The following RESF1 variants were observed in gnomAD, a reference collection of about 807,000 sequenced individuals.
The protein encoded by RESF1 is retroelement silencing factor 1.
A neutral mutation model predicts 134.7 loss-of-function variants in RESF1; 65 were observed. The ratio of observed to expected loss-of-function variants is 0.48; its 90% CI spans 0.40 to 0.59. The LOEUF (loss-of-function observed/expected upper bound fraction) is 0.59. RESF1 is among the 20% of genes least tolerant of loss of function. RESF1 has a pLI of 0.00. For missense variants in RESF1, 2,274 were observed against 2,002.7 expected, an observed-to-expected ratio of 1.14 and a Z score of -2.59; for synonymous variants, 762 against 702.2, an observed-to-expected ratio of 1.09 and a Z score of -1.35.
At chr12:31,980,477 G>A (rs555749761) in intron 3 of RESF1, among the ~76,000 whole-genome samples, 7 of 152,202 alleles carry the variant, frequency 4.6e-5, no homozygotes, top group South Asian at 2.1e-4. Flanking sequence ...TAGACTTTGC[G>A]AATGAACAAT....
Position 31,986,035 on chromosome 12 carries a change from G to C in RESF1, c.5002+78G>C, listed in dbSNP as rs1177143921. 8.2e-6 allele frequency: 7 copies of C among 851,142 alleles called. No individual in the cohort carries two copies. In the African/African-American group the frequency reaches 2.0e-4, roughly 24 times the overall value. 52.7% of individuals were successfully genotyped at this position (851,142 alleles called of 1,614,324 possible). A position where few individuals can be genotyped will look rare whatever the true frequency, so the allele number is the denominator to read the frequency against. ...CAATATTTGGGCTAGCACCTCTCAT[G>C]CTGTCTTGGGCTGCTGGGAAAGACT... On this transcript the variant is annotated intron_variant, in intron 4 of 5. Coordinates refer to ENST00000312561, the MANE Select transcript of RESF1 (RefSeq NM_018169.4).
Position 31,981,963 on chromosome 12 carries a change from T to A in RESF1, c.1008T>A (p.Asn336Lys). ...ATGAAAATGTCAGCACAATTGGAAA[T>A]TTCACTAACTTGAAAGTAAATACCA... Reference protein sequence around the residue: ...NPNENVSTIGNFTNLKVNTNS... With the variant: ...NPNENVSTIGKFTNLKVNTNS... The change falls in exon 4 of 6, where the codon AAT becomes AAA. Residue 336 changes from asparagine (N) to lysine (K), a missense_variant. Physicochemically the swap from Asn to Lys is moderately conservative, Grantham distance 94. Transcript: ENST00000312561. 6.2e-7 allele frequency: 1 copy of A among 1,614,196 alleles called. No homozygotes were observed. Among genetic ancestry groups the A allele is most frequent in the Non-Finnish European group, 8.5e-7 (1 of 1,180,018 alleles).
chr12:31,981,435 T>C lies in RESF1; in HGVS notation c.480T>C (p.Asp160=). ...TACAGAGTCAACTGATAACATCAGA[T>C]ACCTATTCTATGCAAATGCAGATGA... ...PALQSQLITS[D]TYSMQMQMIP... The change falls in exon 4 of 6, where the codon GAT becomes GAC. Residue 160 remains aspartate (D), a synonymous_variant. Transcript: ENST00000312561. 6.2e-7 allele frequency: 1 copy of C among 1,614,118 alleles called. No homozygotes were observed.
intron 3 of RESF1, among the ~76,000 whole-genome samples, chr12:31,978,583 G>A (rs1472558990): frequency 2.0e-5 from 3 of 151,346 alleles, no homozygotes; most frequent in Non-Finnish European, 4.4e-5. Flanking sequence ...CTCTCGCTCT[G>A]TCGCCAGGCT....
intron 3 of RESF1, among the ~76,000 whole-genome samples, chr12:31,975,521 CA>C (rs1939614304): frequency 6.6e-6 from 1 of 152,164 alleles, no homozygotes; most frequent in African/African-American, 2.4e-5. Flanking sequence ...TTTATGAAAT[CA>C]AAACATACCT....
At chr12:31,972,204 G>T (rs991843487) in intron 3 of RESF1, among the ~76,000 whole-genome samples, 1 of 152,136 alleles carries the variant, frequency 6.6e-6, no homozygotes, top group Non-Finnish European at 1.5e-5. Flanking sequence ...TCTGTGAGCT[G>T]CTCTAACACG....
chr12:31,971,833 C>T (rs1939514916), intron 3 of RESF1, among the ~76,000 whole-genome samples: 1 of 152,114 alleles, frequency 6.6e-6, no homozygotes, highest in African/African-American at 2.4e-5. Context: ...TATCTTAGTC[C>T]ATTTTCTGTT....
chr12:31,970,797 C>T (rs1939489049), intron 3 of RESF1, among the ~76,000 whole-genome samples: 1 of 152,144 alleles, frequency 6.6e-6, no homozygotes. Context: ...AATCAGTAGC[C>T]AATGATTATA....
In RESF1 at chr12:31,982,535, C is replaced by A; in HGVS notation, c.1580C>A (p.Ser527Ter). ...TCTCATGATGTGAAAGTTCTCACTT[C>A]AAAGACATCAGCTGTTGAGATGACC... ...DSSHDVKVLT[S>*]KTSAVEMTQA... The change falls in exon 4 of 6, where the codon TCA (serine) becomes TAA (stop). Residue 527 changes from serine to a stop codon, truncating the protein, a stop_gained. Transcript: ENST00000312561. LOFTEE classifies it high-confidence loss of function. The A allele has an allele frequency of 6.2e-7, 1 of 1,613,714 alleles. No individual in the cohort carries two copies.
chr12:31,985,582 A>T lies in RESF1; in HGVS notation c.4627A>T (p.Lys1543Ter). 6.2e-7 allele frequency: 1 copy of T among 1,602,404 alleles called. No homozygotes were observed. The highest frequency in any genetic ancestry group is 8.5e-7 in the Non-Finnish European group (1 of 1,176,862). The change falls in exon 4 of 6, where the codon AAG becomes TAG. Residue 1543 changes from lysine to a stop codon, truncating the protein, a stop_gained. Transcript: ENST00000312561. LOFTEE classifies it high-confidence loss of function. ...LRNVKEKVGG[K>*]QPDKIWIDKT... ...GAATGTTAAAGAAAAAGTTGGTGGG[A>T]AGCAGCCTGATAAAATATGGATTGA...
In RESF1 at chr12:31,983,389, G is replaced by A; in HGVS notation, c.2434G>A (p.Ala812Thr). 6.2e-7 allele frequency: 1 copy of A among 1,614,006 alleles called. No homozygotes were observed. Among genetic ancestry groups the A allele is most frequent in the Non-Finnish European group, 8.5e-7 (1 of 1,180,026 alleles). Residue 812 changes from alanine to threonine, a missense_variant, in exon 4 of 6, where the codon GCT (alanine) becomes ACT (threonine). Physicochemically the swap from Ala to Thr is moderately conservative, Grantham distance 58 (BLOSUM62 0). Coordinates refer to ENST00000312561, the MANE Select transcript of RESF1 (RefSeq NM_018169.4). ...ATTGGCAGAAAATGCAAAGGCAACT[G>A]CTGCTTTGAAAGTTGATGTTAGTGG... is the stretch of plus-strand genomic sequence containing the variant. ...NQLAENAKAT[A>T]ALKVDVSGPV...
rs751085543 is a variant in RESF1, at chr12:31,983,122, T to A, written c.2167T>A (p.Ser723Thr). ...VKSPCSVVGNSNSQNKISNPS... is the reference protein window; with the variant it reads ...VKSPCSVVGNTNSQNKISNPS... ...GAGTCCTTGTTCAGTTGTGGGAAATTCAAATTCTCAGAATAAAATAAGTAA... is the reference window on the plus strand; with the variant it reads ...GAGTCCTTGTTCAGTTGTGGGAAATACAAATTCTCAGAATAAAATAAGTAA... The change falls in exon 4 of 6, where the codon TCA (serine) becomes ACA (threonine). Residue 723 changes from serine (S) to threonine (T), a missense_variant. Coordinates refer to ENST00000312561, the MANE Select transcript of RESF1 (RefSeq NM_018169.4). The A allele has an allele frequency of 1.2e-6, 2 of 1,610,820 alleles. No homozygotes were observed. The highest frequency in any genetic ancestry group is 1.1e-5 in the South Asian group (1 of 90,608).
At chr12:31,967,676 G>C (rs7315653) in intron 2 of RESF1, among the ~76,000 whole-genome samples, 1 of 78,536 alleles carries the variant, frequency 1.3e-5, no homozygotes, top group Non-Finnish European at 2.9e-5. Flanking sequence ...TGTTTTTTTT[G>C]TGTGTGTGTG....
intron 4 of RESF1, among the ~76,000 whole-genome samples, chr12:31,986,517 TAGA>T (rs1565488761): frequency 6.6e-6 from 1 of 152,216 alleles, no homozygotes; most frequent in Non-Finnish European, 1.5e-5. Flanking sequence ...ACTCATAAGA[TAGA>T]AGAACCTTGA....
Position 31,985,123 on chromosome 12 carries a change from AAG to A in RESF1, c.4170_4171del (p.Lys1391ThrfsTer2), listed in dbSNP as rs758205855. The A allele has an allele frequency of 1.3e-6, 2 of 1,548,384 alleles. No individual in the cohort carries two copies. The highest frequency in any genetic ancestry group is 1.7e-6 in the Non-Finnish European group (2 of 1,155,924). On this transcript the variant is annotated frameshift_variant, in exon 4 of 6. Coordinates refer to ENST00000312561, the MANE Select transcript of RESF1 (RefSeq NM_018169.4). LOFTEE classifies it high-confidence loss of function. Reference sequence around the variant, plus strand: ...CGTATTAGATATGGAAGTAAAGAAAAAGAAACATGATAAACAAGAACAGAAAG... The same window carrying A: ...CGTATTAGATATGGAAGTAAAGAAAAAAACATGATAAACAAGAACAGAAAG... ...GNVLDMEVKK[K>X]KHDKQEQKGS...
chr12:31,984,629 A>G lies in RESF1; in HGVS notation c.3674A>G (p.Asp1225Gly). Reference protein sequence around the residue: ...CKQGERTSDRDVTVVQFKSLV... With the variant: ...CKQGERTSDRGVTVVQFKSLV... ...CAAGGAGAGAGAACTTCTGATAGAG[A>G]TGTCACTGTTGTTCAATTTAAGAGC... The change falls in exon 4 of 6, where the codon GAT (aspartate) becomes GGT (glycine). Residue 1225 changes from aspartate (D) to glycine (G), a missense_variant. Coordinates refer to ENST00000312561, the MANE Select transcript of RESF1 (RefSeq NM_018169.4). 1 of 1,574,500 alleles carries G rather than the reference A, an allele frequency of 6.4e-7. No homozygotes were observed. The highest frequency in any genetic ancestry group is 8.6e-7 in the Non-Finnish European group (1 of 1,166,170).
chr12:31,968,473 G>A (rs2120779403), intron 2 of RESF1, among the ~76,000 whole-genome samples: 1 of 149,764 alleles, frequency 6.7e-6, no homozygotes, highest in East Asian at 2.0e-4. Flanking sequence ...TTTTGAGACG[G>A]AGTCTCACTC....
Position 31,992,489 on chromosome 12 carries a change from A to G in RESF1, c.5198A>G (p.Tyr1733Cys). The change falls in exon 6 of 6, where the codon TAC (tyrosine) becomes TGC (cysteine). Residue 1733 changes from tyrosine to cysteine, a missense_variant. Coordinates refer to ENST00000312561, the MANE Select transcript of RESF1 (RefSeq NM_018169.4). ...ATGTTTCAAACCTACAAACAGATGTACCTGGAGAAGAGAAGCAGAAGCCTT... is the reference window on the plus strand; with the variant it reads ...ATGTTTCAAACCTACAAACAGATGTGCCTGGAGAAGAGAAGCAGAAGCCTT... ...KEMFQTYKQMYLEKRSRSLGS... is the reference protein window; with the variant it reads ...KEMFQTYKQMCLEKRSRSLGS... 6.2e-7 allele frequency: 1 copy of G among 1,614,064 alleles called. No homozygotes were observed. The highest frequency in any genetic ancestry group is 1.3e-5 in the African/African-American group (1 of 75,060).
chr12:31,987,355 A>G, intron 5 of RESF1, 33 bp downstream of exon 5: 1 of 1,155,680 alleles, frequency 8.7e-7, no homozygotes, highest in South Asian at 1.3e-5. Flanking sequence ...TCATTCACTT[A>G]TCTCCCTATC....
Sources: gnomAD v4.1 joint callset for allele counts (sites outside exome capture counted in the v4.1 genomes callset) on GRCh38, gnomAD v4.1.1 for gene constraint, MANE v1.5 for transcripts, NCBI Gene and HGNC (gene_info 2026-07-23, HGNC 2026-07-21) for gene names.